FHIT: variants seen among roughly 807,000 people sequenced by gnomAD.
FHIT encodes fragile histidine triad diadenosine triphosphatase.
A neutral mutation model predicts 17.9 loss-of-function variants in FHIT; 19 were observed. The ratio of observed to expected loss-of-function variants is 1.06; its 90% CI spans 0.74 to 1.56. The LOEUF (loss-of-function observed/expected upper bound fraction) is 1.56, where lower values mean the gene tolerates loss of function less well. FHIT is among the 40% of genes most tolerant of loss of function. FHIT has a pLI of 0.00. For missense variants in FHIT, 248 were observed against 189.2 expected (o/e 1.31, Z -1.82); for synonymous variants, 81 against 69.7 (o/e 1.16, Z -0.81).
chr3:59,835,536 G>A (rs1352344391), intron 8 of FHIT, among the ~76,000 whole-genome samples: 1 of 152,128 alleles, frequency 6.6e-6, no homozygotes, highest in Non-Finnish European at 1.5e-5. Flanking sequence ...TCATGAGTGA[G>A]CTTGTTCTAG....
intron 5 of FHIT, among the ~76,000 whole-genome samples, chr3:60,284,508 A>T (rs761468289): frequency 1.8e-4 from 28 of 152,088 alleles, no homozygotes; most frequent in Non-Finnish European, 3.7e-4. Flanking sequence ...TTTTACCATG[A>T]GTTTTCACTA....
intron 7 of FHIT, among the ~76,000 whole-genome samples, chr3:59,925,824 C>A (rs1705632448): frequency 6.6e-6 from 1 of 152,164 alleles, no homozygotes; most frequent in South Asian, 2.1e-4. Context: ...CTTCTCAGAA[C>A]AGGGAAATCA....
intron 5 of FHIT, among the ~76,000 whole-genome samples, chr3:60,478,960 A>G (rs2033477610): frequency 6.6e-6 from 1 of 152,170 alleles, no homozygotes; most frequent in South Asian, 2.1e-4. Context: ...GGATCCAGTA[A>G]AAGACACTGT....
chr3:59,786,881 C>A (rs1699330451), intron 8 of FHIT, among the ~76,000 whole-genome samples: 1 of 152,214 alleles, frequency 6.6e-6, no homozygotes, highest in Non-Finnish European at 1.5e-5. Context: ...GGTGCCAAAC[C>A]CAAATGCTTT....
chr3:60,048,351 T>C (rs1701737277), intron 5 of FHIT, among the ~76,000 whole-genome samples: 1 of 152,064 alleles, frequency 6.6e-6, no homozygotes, highest in African/African-American at 2.4e-5. Context: ...TAATTTTTTG[T>C]ATTTTTAGTA....
intron 2 of FHIT, among the ~76,000 whole-genome samples, chr3:61,184,113 G>A (rs560323975): frequency 2.4e-4 from 36 of 152,210 alleles, no homozygotes; most frequent in Admixed American, 1.1e-3. Context: ...TTTTCAGACA[G>A]AGAATATTCC....
chr3:59,992,027 T>C (rs1309032049), intron 7 of FHIT, among the ~76,000 whole-genome samples: 1 of 151,848 alleles, frequency 6.6e-6, no homozygotes, highest in African/African-American at 2.4e-5. Context: ...GAAGAGGAGA[T>C]GAGGAAGAGA....
chr3:60,753,456 T>C lies in FHIT; in HGVS notation c.-18+68463A>G, dbSNP rs142757769. On this transcript the variant is annotated intron_variant, in intron 4 of 9. Transcript: ENST00000492590. Reference sequence around the variant, plus strand: ...ATCCACTCATTTGGATGTTAATTTATACAGAAATCTGGAATTCAATAATCT... The same window carrying C: ...ATCCACTCATTTGGATGTTAATTTACACAGAAATCTGGAATTCAATAATCT... 2.4e-3 allele frequency among the ~76,000 whole-genome samples: 359 copies of C among 152,296 alleles called. 1 individual carries two copies. The highest frequency in any genetic ancestry group is 8.1e-3 in the African/African-American group (337 of 41,556).
chr3:60,801,239 A>C (rs1185193863), intron 4 of FHIT, among the ~76,000 whole-genome samples: 2 of 151,878 alleles, frequency 1.3e-5, no homozygotes, highest in Non-Finnish European at 1.5e-5. Context: ...TGGGTTAATA[A>C]CTCTCTTATA....
intron 5 of FHIT, among the ~76,000 whole-genome samples, chr3:60,390,030 ATC>A (rs1486706374): frequency 6.6e-6 from 1 of 152,148 alleles, no homozygotes; most frequent in Non-Finnish European, 1.5e-5. Context: ...CTCTGCTGCA[ATC>A]TCTCTGTTGC....
At chr3:60,751,203 C>A (rs1050345400) in intron 4 of FHIT, among the ~76,000 whole-genome samples, 1 of 152,218 alleles carries the variant, frequency 6.6e-6, no homozygotes, top group Admixed American at 6.5e-5. Context: ...ACTTTAATAA[C>A]TACTGGCTTT....
At chr3:60,873,828 G>A (rs1553755661) in intron 3 of FHIT, among the ~76,000 whole-genome samples, 1 of 152,202 alleles carries the variant, frequency 6.6e-6, no homozygotes. Flanking sequence ...CAACAGCAAA[G>A]CCCTTTACAA....
intron 8 of FHIT, among the ~76,000 whole-genome samples, chr3:59,794,912 C>A (rs899038208): frequency 6.6e-6 from 1 of 152,138 alleles, no homozygotes; most frequent in African/African-American, 2.4e-5. Flanking sequence ...CTGGACCCTA[C>A]CCTTGTTAGC....
rs1700189971 is a variant in FHIT, at chr3:60,368,210, AAAG to A, written c.103+168647_103+168649del. Among the ~76,000 whole-genome samples, 3 of 150,372 alleles carry A rather than the reference AAAG, an allele frequency of 2.0e-5. 1 individual carries two copies. Among genetic ancestry groups the A allele is most frequent in the Admixed American group, 1.3e-4 (2 of 15,186 alleles). Reference sequence around the variant, plus strand: ...CATATCTTTTTAAAAAAAAAAAAAAAAAGAAACTGAGGAACTGTTTTCCAAAGT... The same window carrying A: ...CATATCTTTTTAAAAAAAAAAAAAAAAAACTGAGGAACTGTTTTCCAAAGT... On this transcript the variant is annotated intron_variant, in intron 5 of 9. Coordinates refer to ENST00000492590, the MANE Select transcript of FHIT (RefSeq NM_002012.4).
intron 4 of FHIT, among the ~76,000 whole-genome samples, chr3:60,614,819 T>TG (rs2038899110): frequency 8.7e-6 from 1 of 114,410 alleles, no homozygotes; most frequent in Non-Finnish European, 1.9e-5. Context: ...GTTTTTTTTT[T>TG]GTTTTTTTTT....
intron 3 of FHIT, among the ~76,000 whole-genome samples, chr3:60,892,229 T>A (rs1705552225): frequency 6.6e-6 from 1 of 152,210 alleles, no homozygotes; most frequent in African/African-American, 2.4e-5. Flanking sequence ...CTTTTTGAAA[T>A]AATAGCAATA....
At chr3:60,701,357 A>C (rs2041242619) in intron 4 of FHIT, among the ~76,000 whole-genome samples, 1 of 152,164 alleles carries the variant, frequency 6.6e-6, no homozygotes, top group Non-Finnish European at 1.5e-5. Context: ...CAATAGAGAA[A>C]GAGTTTAATT....
intron 3 of FHIT, among the ~76,000 whole-genome samples, chr3:60,859,723 A>ATTTTTTTTTTTTTTTTTTTTTTTTTT (rs71092647): frequency 5.8e-5 from 3 of 51,886 alleles, no homozygotes; most frequent in African/African-American, 2.3e-4. Context: ...TCTGAATACG[A>ATTTTTTTTTTTTTTTTTTTTTTTTTT]TTTTTTTTTT....
intron 5 of FHIT, among the ~76,000 whole-genome samples, chr3:60,461,422 T>G (rs1042219733): frequency 4.7e-5 from 7 of 147,380 alleles, no homozygotes; most frequent in Non-Finnish European, 4.4e-5. Context: ...GTGAGTCAGC[T>G]AAATAAAATT....
Sources: allele counts gnomAD v4.1 joint callset (sites outside exome capture counted in the v4.1 genomes callset), GRCh38; gene constraint gnomAD v4.1.1; transcripts MANE v1.5; gene names NCBI Gene and HGNC (gene_info 2026-07-23, HGNC 2026-07-21).